POLA1: variants seen among roughly 807,000 people sequenced by gnomAD.
The protein encoded by POLA1 is DNA polymerase alpha catalytic subunit.
Under a neutral mutation model 124.0 loss-of-function variants are expected in POLA1, and 15 were observed. That is an observed-to-expected ratio of 0.12 (90% confidence interval 0.08 to 0.19). The LOEUF (loss-of-function observed/expected upper bound fraction) is 0.19, where lower values mean the gene tolerates loss of function less well. POLA1 is among the 10% of genes least tolerant of loss of function. The pLI is 1.00. For missense variants in POLA1, 886 were observed against 1,103.4 expected (o/e 0.80, Z 2.79); for synonymous variants, 408 against 389.4 (o/e 1.05, Z -0.56).
At chrX:24,795,925 A>G (rs930581394) in intron 26 of POLA1, among the ~76,000 whole-genome samples, 1 of 111,709 alleles carries the variant, frequency 9.0e-6, no homozygotes, top group African/African-American at 3.3e-5. Context: ...ATGTTATAAA[A>G]TCTAATTAGT....
chrX:24,741,369 G>T lies in POLA1; in HGVS notation c.2217-6G>T. 1 of 1,179,819 alleles carries T rather than the reference G, an allele frequency of 8.5e-7. No homozygotes were observed. Among genetic ancestry groups the T allele is most frequent in the South Asian group, 1.8e-5 (1 of 54,180 alleles). The stretch of plus-strand genomic sequence containing the variant: ...GATTCTGTTTCATTCTTACTTTTCT[G>T]TACAGTGAATCTTCTCAACTGTTAT... On this transcript the variant is annotated splice_polypyrimidine_tract_variant and splice_region_variant and intron_variant, in intron 20 of 36. Coordinates refer to ENST00000379068, the MANE Select transcript of POLA1 (RefSeq NM_001330360.2).
intron 4 of POLA1, among the ~76,000 whole-genome samples, chrX:24,709,943 C>T (rs1180453758): frequency 1.7e-4 from 13 of 77,661 alleles, no homozygotes; most frequent in South Asian, 7.8e-4. Context: ...ACATCCCAGA[C>T]GATGGGCGGC....
chrX:24,993,450 A>T (rs951590127), intron 36 of POLA1, among the ~76,000 whole-genome samples: 4 of 112,538 alleles, frequency 3.6e-5, no homozygotes, highest in African/African-American at 1.3e-4. Context: ...GTCGTTACTG[A>T]TAGGCTGACT....
At chrX:24,715,304 TTTTTTG>T (rs771405827) in intron 6 of POLA1, 101 bp downstream of exon 6, 2 of 565,465 alleles carry the variant, frequency 3.5e-6, no homozygotes, top group Admixed American at 5.9e-5. Flanking sequence ...TTTTTTCTTT[TTTTTTG>T]AAACAGTAGC....
chrX:24,793,423 T>C (rs2045547829), intron 26 of POLA1, among the ~76,000 whole-genome samples: 1 of 110,978 alleles, frequency 9.0e-6, no homozygotes, highest in Non-Finnish European at 1.9e-5. Flanking sequence ...TTATTTGGTC[T>C]ATCAGTCAAG....
At position 24,804,379 on chromosome X, in the gene POLA1, A is replaced by G. The variant is rs1411982131; in HGVS notation, c.2965-5519A>G. On this transcript the variant is annotated intron_variant, in intron 26 of 36. Coordinates refer to ENST00000379068, the MANE Select transcript of POLA1 (RefSeq NM_001330360.2). ...TATCAAATATCATAATATTTATATT[A>G]ATATTTCACCTGCCTTTCTCTTTCC... is the stretch of plus-strand genomic sequence containing the variant. Among the ~76,000 whole-genome samples the G allele has an allele frequency of 2.7e-5, 3 of 111,663 alleles. No homozygotes were observed. The East Asian group carries it at 8.3e-4, about 31-fold the overall frequency.
intron 26 of POLA1, among the ~76,000 whole-genome samples, chrX:24,807,423 A>G (rs2045819820): frequency 8.9e-6 from 1 of 112,252 alleles, no homozygotes; most frequent in East Asian, 2.8e-4. Flanking sequence ...GGTTGGTCTC[A>G]TTATTGCCCT....
At chrX:24,824,420 GT>G (rs2046139723) in intron 31 of POLA1, among the ~76,000 whole-genome samples, 1 of 105,197 alleles carries the variant, frequency 9.5e-6, no homozygotes, top group Non-Finnish European at 1.9e-5. Flanking sequence ...AGCCTCCTGA[GT>G]AGCTGGGACC....
At chrX:24,791,861 A>G (rs7054414) in intron 26 of POLA1, among the ~76,000 whole-genome samples, 17,595 of 111,382 alleles carry the variant, frequency 0.16, 3,067 homozygotes, top group African/African-American at 0.52. Context: ...CAAAAAGATG[A>G]TTTAGCAAAT....
At chrX:24,842,045 C>T (rs2046417823) in intron 33 of POLA1, 5 of 334,185 alleles carry the variant, frequency 1.5e-5, no homozygotes, top group Non-Finnish European at 2.5e-5. Flanking sequence ...ATTGTTTTGG[C>T]TTCCTAGAGT....
intron 34 of POLA1, among the ~76,000 whole-genome samples, chrX:24,844,366 C>A (rs1284882472): frequency 1.2e-4 from 13 of 109,575 alleles, no homozygotes; most frequent in Non-Finnish European, 3.8e-5. Context: ...TCACATTTCC[C>A]ACGTGATTTT....
chrX:24,822,230 G>A (rs1038711856), intron 31 of POLA1, among the ~76,000 whole-genome samples: 3 of 111,185 alleles, frequency 2.7e-5, no homozygotes, highest in African/African-American at 9.8e-5. Flanking sequence ...GACTTTCGAA[G>A]CCCTTAACTA....
chrX:24,741,605 A>C lies in POLA1; in HGVS notation c.2346+101A>C, dbSNP rs1173688334. 5.7e-6 allele frequency: 4 copies of C among 704,967 alleles called. No individual in the cohort carries two copies. The African/African-American group carries it at 6.4e-5, about 11-fold the overall frequency. 58.1% of individuals were successfully genotyped at this position (704,967 alleles called of 1,213,427 possible). On this transcript the variant is annotated intron_variant, in intron 21 of 36. Transcript: ENST00000379068. ...TAATGAGTCTAAATGCATGCTTATA[A>C]AATGAGTAACTTGGATTCTGAAAGC...
In POLA1 at chrX:24,841,740, T is replaced by A. The variant is rs759941084; in HGVS notation, c.3825T>A (p.Asp1275Glu). 16 of 1,183,684 alleles carry A rather than the reference T, an allele frequency of 1.4e-5. No homozygotes were observed. Among genetic ancestry groups the A allele is most frequent in the Middle Eastern group, 2.3e-4 (1 of 4,306 alleles). The stretch of plus-strand genomic sequence containing the variant: ...TTGGTGGCCCAGCACAGCTCACTGA[T>A]GAAGAGAAATACAGGGACTGTGAAA... ...ALLGGPAQLT[D>E]EEKYRDCERF... is the part of the protein sequence containing the mutation. The change falls in exon 33 of 37, where the codon GAT becomes GAA. Residue 1275 changes from aspartate (D) to glutamate (E), a missense_variant. Physicochemically the swap from Asp to Glu is conservative, Grantham distance 45. Around this residue, in one of 7 missense-constraint regions of POLA1, gnomAD observed 313 missense variants for 359.7 expected, o/e 0.87. Transcript: ENST00000379068.
intron 35 of POLA1, among the ~76,000 whole-genome samples, chrX:24,902,915 C>T (rs1409341874): frequency 8.9e-6 from 1 of 111,837 alleles, no homozygotes; most frequent in Non-Finnish European, 1.9e-5. Context: ...TACTTTACCC[C>T]GAAAAAGACT....
intron 36 of POLA1, among the ~76,000 whole-genome samples, chrX:24,951,343 A>ACCCCCCC (rs57038936): frequency 3.7e-4 from 15 of 40,953 alleles, no homozygotes; most frequent in Non-Finnish European, 5.1e-4. Context: ...ACACCTCCCT[A>ACCCCCCC]CCCCCCCCCC....
chrX:24,972,379 T>C (rs1326953360), intron 36 of POLA1, among the ~76,000 whole-genome samples: 1 of 112,270 alleles, frequency 8.9e-6, no homozygotes, highest in Non-Finnish European at 1.9e-5. Context: ...TGGTGAATTT[T>C]CTGACATCTT....
chrX:24,924,258 G>A (rs1472463061), intron 35 of POLA1, among the ~76,000 whole-genome samples: 1 of 111,729 alleles, frequency 9.0e-6, no homozygotes, highest in African/African-American at 3.3e-5. Flanking sequence ...ATGGTATCTT[G>A]TTATTTTAAC....
In POLA1 at chrX:24,723,274, AT is replaced by A; in HGVS notation, c.1200+9del. The A allele has an allele frequency of 9.3e-7, 1 of 1,069,835 alleles. No homozygotes were observed. The highest frequency in any genetic ancestry group is 1.3e-6 in the Non-Finnish European group (1 of 767,057). 88.2% of individuals were successfully genotyped at this position (1,069,835 alleles called of 1,213,427 possible). On this transcript the variant is annotated splice_region_variant and intron_variant, in intron 11 of 36. Transcript: ENST00000379068. ...CTTCCTTCCCCGTGAAATGGTAAAC[AT>A]TAGTGATTAGCTTTTAGTTCTCAGT...
Sources: allele counts gnomAD v4.1 joint callset (sites outside exome capture counted in the v4.1 genomes callset), GRCh38; gene constraint gnomAD v4.1.1; regional missense constraint gnomAD v4.1.1; transcripts MANE v1.5; gene names NCBI Gene and HGNC (gene_info 2026-07-23, HGNC 2026-07-21).